Variants in ROBO2 observed in about 807,000 individuals in gnomAD.
ROBO2 encodes roundabout homolog 2.
In ROBO2, 53 loss-of-function variants were observed where a neutral mutation model predicts 160.8. The ratio of observed to expected loss-of-function variants is 0.33; its 90% CI spans 0.26 to 0.41. The LOEUF (loss-of-function observed/expected upper bound fraction) is 0.41. ROBO2 is among the 10% of genes least tolerant of loss of function. The pLI is 1.00. For synonymous variants in ROBO2, 664 were observed against 611.7 expected, an observed-to-expected ratio of 1.09 and a Z score of -1.26; for missense variants, 1,577 against 1,722.4, an observed-to-expected ratio of 0.92 and a Z score of 1.49.
At chr3:77,565,069 C>T (rs1487587879) in exon 12 of ROBO2, 1 of 1,613,746 alleles carries the variant, frequency 6.2e-7, no homozygotes, top group African/African-American at 1.3e-5. Flanking sequence ...AGCGATCAAC[C>T]CCCAAGGTCT....
chr3:77,040,891 C>G (rs766984043), intron 1 of ROBO2, 45 bp downstream of exon 1: 2 of 1,611,014 alleles, frequency 1.2e-6, no homozygotes, highest in Non-Finnish European at 1.7e-6. Flanking sequence ...CCCCACCCCC[C>G]AATCCCCCAA....
chr3:76,092,298 G>A (rs2069268375), intron 2 of ROBO2, among the ~76,000 whole-genome samples: 1 of 152,086 alleles, frequency 6.6e-6, no homozygotes, highest in African/African-American at 2.4e-5. Flanking sequence ...AAATTTACTT[G>A]ATTATCTATT....
chr3:77,644,132 A>T (rs561287584), intron 24 of ROBO2, among the ~76,000 whole-genome samples: 6,044 of 148,192 alleles, frequency 0.041, 226 homozygotes, highest in African/African-American at 0.098. Flanking sequence ...AAAAAAAAAA[A>T]TTAGCATATT....
intron 2 of ROBO2, among the ~76,000 whole-genome samples, chr3:76,990,904 A>G (rs1303524317): frequency 6.6e-6 from 1 of 152,158 alleles, no homozygotes; most frequent in Non-Finnish European, 1.5e-5. Flanking sequence ...CACACTGAAC[A>G]GGCTCCCCTC....
intron 1 of ROBO2, among the ~76,000 whole-genome samples, chr3:75,922,224 A>C (rs1052737412): frequency 2.0e-5 from 3 of 152,222 alleles, no homozygotes; most frequent in African/African-American, 7.2e-5. Flanking sequence ...ACAAAGGTAT[A>C]CTATGTCATT....
chr3:76,252,756 TATACACACAC>T lies in ROBO2; in HGVS notation c.109+315156_109+315165del, dbSNP rs1425258714. 1.8e-3 allele frequency among the ~76,000 whole-genome samples: 245 copies of T among 137,900 alleles called. 1 individual carries two copies. Among genetic ancestry groups the T allele is most frequent in the South Asian group, 5.8e-3 (26 of 4,480 alleles). The allele number at this position is 137,900 out of a possible 152,430, so 90.5% of individuals were successfully genotyped here. ...CATATATATAAAACGCATGTATATG[TATACACACAC>T]ACACACACACACACACACACACACA... On this transcript the variant is annotated intron_variant, in intron 2 of 26. Transcript: ENST00000487694.
chr3:76,240,257 T>C (rs1705205369), intron 2 of ROBO2, among the ~76,000 whole-genome samples: 1 of 152,040 alleles, frequency 6.6e-6, no homozygotes, highest in Non-Finnish European at 1.5e-5. Context: ...CATTAGGTAT[T>C]TGTCCTAATG....
At chr3:76,377,076 G>C (rs1291979498) in intron 2 of ROBO2, among the ~76,000 whole-genome samples, 1 of 152,122 alleles carries the variant, frequency 6.6e-6, no homozygotes, top group Non-Finnish European at 1.5e-5. Context: ...GGTTGGGCTG[G>C]TCCTGTTGTT....
At chr3:77,377,228 C>A (rs2072810053) in intron 2 of ROBO2, among the ~76,000 whole-genome samples, 1 of 151,948 alleles carries the variant, frequency 6.6e-6, no homozygotes, top group Admixed American at 6.6e-5. Context: ...ATTCAAAATT[C>A]AAATATAAAT....
intron 2 of ROBO2, among the ~76,000 whole-genome samples, chr3:76,795,466 T>C (rs2063627836): frequency 6.6e-6 from 1 of 152,148 alleles, no homozygotes; most frequent in Admixed American, 6.6e-5. Context: ...TTAACAATGT[T>C]CACAGCATCA....
intron 2 of ROBO2, among the ~76,000 whole-genome samples, chr3:76,138,925 T>C (rs1313537477): frequency 6.6e-6 from 1 of 152,146 alleles, no homozygotes; most frequent in African/African-American, 2.4e-5. Context: ...ATCTGATCAA[T>C]GGTATGCCTG....
intron 2 of ROBO2, among the ~76,000 whole-genome samples, chr3:77,198,498 G>C (rs1219682350): frequency 6.6e-6 from 1 of 152,198 alleles, no homozygotes; most frequent in African/African-American, 2.4e-5. Context: ...TGGGAGGTTA[G>C]AAGGTCATTG....
At chr3:77,557,244 C>T (rs1178967365) in intron 8 of ROBO2, among the ~76,000 whole-genome samples, 6 of 151,832 alleles carry the variant, frequency 4.0e-5, no homozygotes, top group Non-Finnish European at 7.4e-5. Context: ...CATGTAAACA[C>T]TGATTTTGCA....
At chr3:76,570,947 A>G (rs2084916410) in intron 2 of ROBO2, among the ~76,000 whole-genome samples, 1 of 152,192 alleles carries the variant, frequency 6.6e-6, no homozygotes, top group South Asian at 2.1e-4. Context: ...TGTATGACAA[A>G]ACTGTATCAT....
At chr3:76,170,442 T>G (rs529154538) in intron 2 of ROBO2, among the ~76,000 whole-genome samples, 25 of 152,320 alleles carry the variant, frequency 1.6e-4, no homozygotes, top group Non-Finnish European at 2.2e-4. Context: ...CAAAACATAC[T>G]GTTGACAAGG....
Position 77,028,933 on chromosome 3 carries a change from G to A in ROBO2, c.110-69081G>A, listed in dbSNP as rs116848721. ...AATCCCTGTTGTTCACACTAACTAA[G>A]GTTTTGGTACAACACAAGGCACTGA... On this transcript the variant is annotated intron_variant, in intron 2 of 26. Coordinates refer to the ROBO2 transcript ENST00000487694. 5.5e-3 allele frequency among the ~76,000 whole-genome samples: 837 copies of A among 152,182 alleles called. 8 individuals carry two copies. The highest frequency in any genetic ancestry group is 0.031 in the East Asian group (158 of 5,170).
At chr3:76,746,123 G>C (rs1212955020) in intron 2 of ROBO2, among the ~76,000 whole-genome samples, 3 of 151,736 alleles carry the variant, frequency 2.0e-5, no homozygotes, top group Non-Finnish European at 2.9e-5. Context: ...TGAGAATGAT[G>C]ATTTCCAATT....
intron 2 of ROBO2, among the ~76,000 whole-genome samples, chr3:76,840,676 A>ATATATATATATAT (rs1559586498): frequency 6.5e-5 from 9 of 138,664 alleles, no homozygotes; most frequent in African/African-American, 2.2e-4. Context: ...TATATATATA[A>ATATATATATATAT]GATGAAGTAA....
At chr3:76,451,988 C>A (rs1159418843) in intron 2 of ROBO2, among the ~76,000 whole-genome samples, 6 of 151,990 alleles carry the variant, frequency 3.9e-5, no homozygotes, top group African/African-American at 1.5e-4. Context: ...TAGTTATAGA[C>A]CAAAGTTATT....
Sources: allele counts gnomAD v4.1 joint callset (sites outside exome capture counted in the v4.1 genomes callset), GRCh38; gene constraint gnomAD v4.1.1; transcripts MANE v1.5; gene names NCBI Gene and HGNC (gene_info 2026-07-23, HGNC 2026-07-21).